ZMPSTE24: variants seen among roughly 807,000 people sequenced by gnomAD.
The protein encoded by ZMPSTE24 is zinc metallopeptidase STE24.
In ZMPSTE24, 48 loss-of-function variants were observed where a neutral mutation model predicts 56.7. The ratio of observed to expected loss-of-function variants is 0.85; its 90% confidence interval spans 0.67 to 1.08. ZMPSTE24 has a LOEUF of 1.08. Among genes scored for constraint, ZMPSTE24 ranks in the 50% least tolerant of loss-of-function variants. The pLI is 0.00. For missense variants in ZMPSTE24, 503 were observed against 548.7 expected (o/e 0.92, Z 0.83); for synonymous variants, 172 against 195.2 (o/e 0.88, Z 0.99).
chr1:40,269,892 G>A, intron 4 of ZMPSTE24, 83 bp from the exon 5 acceptor site: 1 of 1,505,288 alleles, frequency 6.6e-7, no homozygotes, highest in Non-Finnish European at 9.0e-7. Flanking sequence ...CTTTAATAAT[G>A]TATCCTTTGT....
intron 2 of ZMPSTE24, chr1:40,262,558 G>A (rs1195269017): frequency 6.5e-6 from 1 of 153,516 alleles, no homozygotes; most frequent in African/African-American, 2.5e-5. Context: ...ATGAAAGAGA[G>A]TTTACTTATG....
rs1213598934 is a variant in ZMPSTE24, at chr1:40,271,959, G to A, written c.693G>A (p.Glu231=). 1.9e-5 allele frequency: 31 copies of A among 1,613,558 alleles called. No individual in the cohort carries two copies. The highest frequency in any genetic ancestry group is 2.5e-5 in the Non-Finnish European group (29 of 1,179,740). ...TTGACAAATTCACACCTCTGCCTGA[G>A]GGAAAGCTTAAAGAAGAAATTGAAG... ...PLFDKFTPLP[E]GKLKEEIEVM... is the part of the protein sequence containing the mutation. Residue 231 remains glutamate (E), a synonymous_variant, in exon 6 of 10, where the codon GAG becomes GAA. Coordinates refer to ENST00000372759, the MANE Select transcript of ZMPSTE24 (RefSeq NM_005857.5).
At chr1:40,272,744 C>T (rs140031509) in intron 6 of ZMPSTE24, among the ~76,000 whole-genome samples, 4 of 152,294 alleles carry the variant, frequency 2.6e-5, no homozygotes, top group African/African-American at 9.6e-5. Flanking sequence ...GGTTCTATGA[C>T]TTTCAGAATT....
chr1:40,278,238 A>G (rs1179500160), intron 6 of ZMPSTE24, among the ~76,000 whole-genome samples: 1 of 152,180 alleles, frequency 6.6e-6, no homozygotes, highest in Non-Finnish European at 1.5e-5. Context: ...CCCAAGAGAA[A>G]TAAATGTTTA....
chr1:40,283,697 C>T (rs1224089773), intron 7 of ZMPSTE24, among the ~76,000 whole-genome samples: 1 of 151,944 alleles, frequency 6.6e-6, no homozygotes, highest in African/African-American at 2.4e-5. Flanking sequence ...TGCATTAGGC[C>T]CTTTTATTCT....
chr1:40,278,208 T>C (rs967578993), intron 6 of ZMPSTE24, among the ~76,000 whole-genome samples: 1 of 152,122 alleles, frequency 6.6e-6, no homozygotes, highest in African/African-American at 2.4e-5. Flanking sequence ...ATTCATGTTT[T>C]TTGTGAGAGA....
At chr1:40,280,591 ATTTTTTGTATTTT>A (rs1327034330) in intron 6 of ZMPSTE24, among the ~76,000 whole-genome samples, 2 of 151,836 alleles carry the variant, frequency 1.3e-5, no homozygotes, top group Non-Finnish European at 2.9e-5. Flanking sequence ...TGCCCGGCTA[ATTTTTTGTATTTT>A]TGGTAGAGAC....
At position 40,290,450 on chromosome 1, in the gene ZMPSTE24, A is replaced by ATTTTTTTTTTTTTTTTTTTTTT. The variant is rs996301433; in HGVS notation, c.1060-397_1060-376dup. Among the ~76,000 whole-genome samples, 14 of 82,590 alleles carry ATTTTTTTTTTTTTTTTTTTTTT rather than the reference A, an allele frequency of 1.7e-4. 4 individuals carry two copies. Among genetic ancestry groups the ATTTTTTTTTTTTTTTTTTTTTT allele is most frequent in the African/African-American group, 2.9e-4 (5 of 17,216 alleles). The allele number at this position is 82,590 out of a possible 152,430, so 54.2% of individuals were successfully genotyped here. ...TACCTTTCTTAAAATCACACTATGAATTTTTTTTTTTTTTTTTTTTTTTTT... is the reference window on the plus strand; with the variant it reads ...TACCTTTCTTAAAATCACACTATGAATTTTTTTTTTTTTTTTTTTTTTTTTTTTTTTTTTTTTTTTTTTTTTT... On this transcript the variant is annotated intron_variant, in intron 8 of 9. Coordinates refer to ENST00000372759, the MANE Select transcript of ZMPSTE24 (RefSeq NM_005857.5).
At chr1:40,272,343 A>G (rs1418191059) in intron 6 of ZMPSTE24, among the ~76,000 whole-genome samples, 1 of 152,174 alleles carries the variant, frequency 6.6e-6, no homozygotes, top group Non-Finnish European at 1.5e-5. Context: ...GTTATCTTAT[A>G]TATTAGACTG....
At chr1:40,277,962 C>T (rs1230057778) in intron 6 of ZMPSTE24, among the ~76,000 whole-genome samples, 2 of 79,540 alleles carry the variant, frequency 2.5e-5, no homozygotes, top group Non-Finnish European at 4.3e-5. Flanking sequence ...AAGACTCCAT[C>T]TCAAAAAAAA....
intron 6 of ZMPSTE24, among the ~76,000 whole-genome samples, chr1:40,273,537 A>AAAAATATAT (rs1224234676): frequency 7.3e-4 from 9 of 12,386 alleles, no homozygotes; most frequent in African/African-American, 1.3e-3. Context: ...AAAAAAAAAA[A>AAAAATATAT]ATATATATAT....
In ZMPSTE24 at chr1:40,290,450, ATTTTTTT is replaced by A. The variant is rs996301433; in HGVS notation, c.1060-382_1060-376del. Among the ~76,000 whole-genome samples the A allele has an allele frequency of 7.7e-3, 634 of 82,512 alleles. 4 individuals carry two copies. The highest frequency in any genetic ancestry group is 0.035 in the African/African-American group (598 of 17,150). The allele number at this position is 82,512 out of a possible 152,430, so 54.1% of individuals were successfully genotyped here. A position where few individuals can be genotyped will look rare whatever the true frequency, so the allele number is the denominator to read the frequency against. Reference sequence around the variant, plus strand: ...TACCTTTCTTAAAATCACACTATGAATTTTTTTTTTTTTTTTTTTTTTTTTTTTGAGA... The same window carrying A: ...TACCTTTCTTAAAATCACACTATGAATTTTTTTTTTTTTTTTTTTTTGAGA... On this transcript the variant is annotated intron_variant, in intron 8 of 9. Transcript: ENST00000372759.
intron 2 of ZMPSTE24, among the ~76,000 whole-genome samples, chr1:40,261,271 T>C (rs1643494096): frequency 6.6e-6 from 1 of 152,200 alleles, no homozygotes. Context: ...TGAAACTCCC[T>C]GCCTGACGAA....
At chr1:40,274,569 G>A (rs1038382991) in intron 6 of ZMPSTE24, among the ~76,000 whole-genome samples, 11 of 152,316 alleles carry the variant, frequency 7.2e-5, no homozygotes, top group African/African-American at 2.2e-4. Flanking sequence ...CTGCACCATA[G>A]CAGGAGAGTG....
rs1057515452 is a variant in ZMPSTE24 at position 40,293,809 on chromosome 1, T to C, written c.*1140T>C. ...AAGCTATATGTTTCACTGCTTCATA[T>C]CTCTGTCCACTTTCTGAATGAGAAC... On this transcript the variant is annotated 3_prime_UTR_variant, in exon 10 of 10. Transcript: ENST00000372759. 6.6e-6 allele frequency: 1 copy of C among 152,234 alleles called. No individual in the cohort carries two copies. Among genetic ancestry groups the C allele is most frequent in the Non-Finnish European group, 1.5e-5 (1 of 68,036 alleles). The allele number at this position is 152,234 out of a possible 1,614,324, so 9.4% of individuals were successfully genotyped here.
chr1:40,287,502 C>G (rs1643799393), intron 8 of ZMPSTE24, among the ~76,000 whole-genome samples: 1 of 151,772 alleles, frequency 6.6e-6, no homozygotes, highest in Non-Finnish European at 1.5e-5. Flanking sequence ...CATGGTGAAG[C>G]CCTATCTCTA....
intron 1 of ZMPSTE24, 122 bp from the exon 2 acceptor site, chr1:40,260,717 G>A: frequency 1.1e-6 from 1 of 939,672 alleles, no homozygotes; most frequent in Non-Finnish European, 1.6e-6. Flanking sequence ...CAATATTTGT[G>A]TAGGTATAAA....
intron 9 of ZMPSTE24, 135 bp downstream of exon 9, chr1:40,291,132 A>AT: frequency 8.5e-7 from 1 of 1,182,352 alleles, no homozygotes; most frequent in Non-Finnish European, 1.2e-6. Flanking sequence ...TAGTCCCCTG[A>AT]TTCACTGGTC....
intron 2 of ZMPSTE24, among the ~76,000 whole-genome samples, chr1:40,261,505 A>G (rs1305456249): frequency 6.6e-6 from 1 of 152,056 alleles, no homozygotes; most frequent in African/African-American, 2.4e-5. Context: ...GCATGCCACC[A>G]TACCGTCTCA....
Sources: gnomAD v4.1 joint callset for allele counts (sites outside exome capture counted in the v4.1 genomes callset) on GRCh38, gnomAD v4.1.1 for gene constraint, MANE v1.5 for transcripts, NCBI Gene and HGNC (gene_info 2026-07-23, HGNC 2026-07-21) for gene names.